NFIA: variants seen among roughly 807,000 people sequenced by gnomAD.
NFIA encodes nuclear factor 1 A-type.
Under a neutral mutation model 62.8 loss-of-function variants are expected in NFIA, and 8 were observed. That is an observed-to-expected ratio of 0.13 (90% CI 0.07 to 0.23). NFIA has a LOEUF of 0.23. NFIA is among the 10% of genes least tolerant of loss of function. The pLI is 1.00. For missense variants in NFIA, 410 were observed against 642.1 expected (o/e 0.64, Z 3.91); for synonymous variants, 235 against 238.1 (o/e 0.99, Z 0.12).
intron 2 of NFIA, among the ~76,000 whole-genome samples, chr1:61,167,957 A>C (rs1649695333): frequency 6.6e-6 from 1 of 152,160 alleles, no homozygotes; most frequent in African/African-American, 2.4e-5. Context: ...TGTACACTTA[A>C]TAAGATTAGG....
intron 9 of NFIA, among the ~76,000 whole-genome samples, chr1:61,407,358 T>C (rs1203311675): frequency 6.6e-6 from 1 of 152,172 alleles, no homozygotes; most frequent in Non-Finnish European, 1.5e-5. Context: ...TTGGCTCTTC[T>C]CTGAACAGTC....
chr1:61,415,268 C>T (rs1666297926), intron 9 of NFIA, among the ~76,000 whole-genome samples: 1 of 151,832 alleles, frequency 6.6e-6, no homozygotes, highest in Admixed American at 6.6e-5. Context: ...TAAAATAGCA[C>T]AAGAAAATAC....
intron 3 of NFIA, among the ~76,000 whole-genome samples, chr1:61,278,956 A>G (rs1282407732): frequency 6.6e-6 from 1 of 152,248 alleles, no homozygotes; most frequent in Non-Finnish European, 1.5e-5. Flanking sequence ...GTTAAATAAG[A>G]TAATATGTGT....
chr1:61,230,418 T>C (rs191864978), intron 2 of NFIA, among the ~76,000 whole-genome samples: 5 of 152,158 alleles, frequency 3.3e-5, no homozygotes, highest in African/African-American at 1.2e-4. Flanking sequence ...AACCTAGAAG[T>C]TATCTCTTAC....
chr1:61,126,476 T>TCTCACACACACACACA (rs1646973367), intron 2 of NFIA, among the ~76,000 whole-genome samples: 1 of 53,498 alleles, frequency 1.9e-5, no homozygotes, highest in Non-Finnish European at 4.2e-5. Context: ...ACACACACAC[T>TCTCACACACACACACA]CACAGAAATA....
chr1:61,262,663 A>G (rs1656838668), intron 2 of NFIA, among the ~76,000 whole-genome samples: 1 of 152,240 alleles, frequency 6.6e-6, no homozygotes. Context: ...CATTAAGTCA[A>G]TAGATGAGTT....
chr1:61,099,968 C>G lies in NFIA; in HGVS notation c.559+11288C>G, dbSNP rs116091462. Among the ~76,000 whole-genome samples the G allele has an allele frequency of 6.7e-4, 102 of 152,166 alleles. 2 individuals carry two copies. The highest frequency in any genetic ancestry group is 2.1e-3 in the African/African-American group (87 of 41,514). ...GGTTAGGATTAGTAACTAGGCCAGACCCTTCTATGGCCTGTTTTTATCTCT... is the reference window on the plus strand; with the variant it reads ...GGTTAGGATTAGTAACTAGGCCAGAGCCTTCTATGGCCTGTTTTTATCTCT... On this transcript the variant is annotated intron_variant, in intron 2 of 10. Coordinates refer to ENST00000403491, the MANE Select transcript of NFIA (RefSeq NM_001134673.4).
At chr1:61,259,500 G>T (rs1273636944) in intron 2 of NFIA, among the ~76,000 whole-genome samples, 1 of 152,190 alleles carries the variant, frequency 6.6e-6, no homozygotes, top group East Asian at 1.9e-4. Context: ...TATACACAGA[G>T]AAATGAATTA....
At chr1:61,367,433 C>A (rs1024242650) in intron 6 of NFIA, among the ~76,000 whole-genome samples, 2 of 152,146 alleles carry the variant, frequency 1.3e-5, no homozygotes, top group Non-Finnish European at 2.9e-5. Flanking sequence ...GCCATGGGAT[C>A]GATGTCTTGG....
At chr1:61,431,155 A>G (rs1432040322) in intron 10 of NFIA, among the ~76,000 whole-genome samples, 1 of 152,214 alleles carries the variant, frequency 6.6e-6, no homozygotes, top group Admixed American at 6.5e-5. Flanking sequence ...CAGAAAGCCA[A>G]TGGCCATTTC....
chr1:61,350,893 C>A (rs1662515609), intron 4 of NFIA, among the ~76,000 whole-genome samples: 1 of 152,154 alleles, frequency 6.6e-6, no homozygotes, highest in African/African-American at 2.4e-5. Context: ...CTTCTTATCC[C>A]CAGGTTGGGT....
chr1:61,300,681 A>G (rs71641727), intron 3 of NFIA, among the ~76,000 whole-genome samples: 1 of 151,790 alleles, frequency 6.6e-6, no homozygotes, highest in East Asian at 1.9e-4. Context: ...ACACACACAT[A>G]CCATATGTAA....
chr1:61,348,231 A>G (rs1397184719), intron 4 of NFIA, among the ~76,000 whole-genome samples: 2 of 152,222 alleles, frequency 1.3e-5, no homozygotes, highest in Admixed American at 6.5e-5. Context: ...ATCCAACCCA[A>G]TAAGCCAACT....
At chr1:61,226,128 T>C (rs971725442) in intron 2 of NFIA, among the ~76,000 whole-genome samples, 2 of 152,216 alleles carry the variant, frequency 1.3e-5, no homozygotes, top group African/African-American at 4.8e-5. Flanking sequence ...ATTTGTGTAA[T>C]ATTTAATGTG....
At chr1:61,429,705 G>A (rs1276089247) in intron 10 of NFIA, among the ~76,000 whole-genome samples, 3 of 152,198 alleles carry the variant, frequency 2.0e-5, no homozygotes, top group African/African-American at 7.2e-5. Context: ...ACAAAATGTG[G>A]TCTATACATA....
intron 2 of NFIA, among the ~76,000 whole-genome samples, chr1:61,146,218 T>G (rs1246010809): frequency 6.6e-6 from 1 of 152,194 alleles, no homozygotes; most frequent in Non-Finnish European, 1.5e-5. Context: ...AGTTGCATCA[T>G]TGGGCCTGCC....
At chr1:61,159,495 G>C (rs1253585993) in intron 2 of NFIA, among the ~76,000 whole-genome samples, 1 of 152,122 alleles carries the variant, frequency 6.6e-6, no homozygotes, top group African/African-American at 2.4e-5. Context: ...CATCCCTGCT[G>C]TAGAACCTCT....
chr1:61,402,033 CTTTTTT>C (rs10636290), intron 7 of NFIA, among the ~76,000 whole-genome samples: 6 of 94,568 alleles, frequency 6.3e-5, no homozygotes, highest in South Asian at 8.2e-4. Context: ...ACTCATTTTT[CTTTTTT>C]TTTTTTTTTT....
chr1:61,342,873 G>C (rs767235051), intron 4 of NFIA, among the ~76,000 whole-genome samples: 17 of 152,278 alleles, frequency 1.1e-4, no homozygotes, highest in Non-Finnish European at 2.4e-4. Flanking sequence ...GCATGATCTT[G>C]ACCATGTTAC....
Sources: allele counts gnomAD v4.1 joint callset (sites outside exome capture counted in the v4.1 genomes callset), GRCh38; gene constraint gnomAD v4.1.1; transcripts MANE v1.5; gene names NCBI Gene and HGNC (gene_info 2026-07-23, HGNC 2026-07-21).